Variants in KATNBL1 observed in about 807,000 individuals in gnomAD.
KATNBL1 encodes the protein KATNB1-like protein 1.
KATNBL1 carries 28 observed loss-of-function variants against 44.7 expected under a neutral mutation model. That is an observed-to-expected ratio of 0.63 (90% confidence interval 0.46 to 0.86). The LOEUF is 0.86. Ranked by LOEUF, KATNBL1 falls within the 40% of genes least tolerant of loss-of-function variation. The pLI is 0.00. For missense variants in KATNBL1, 272 were observed against 350.7 expected, an observed-to-expected ratio of 0.78 and a Z score of 1.79; for synonymous variants, 78 against 114.9, an observed-to-expected ratio of 0.68 and a Z score of 2.06.
chr15:34,146,578 T>C (rs1169004663), intron 8 of KATNBL1, 183 bp downstream of exon 8: 2 of 542,926 alleles, frequency 3.7e-6, no homozygotes, highest in Admixed American at 3.3e-5. Flanking sequence ...TAGTAGGCTC[T>C]GGAATTCAAT....
intron 1 of KATNBL1, among the ~76,000 whole-genome samples, chr15:34,204,594 G>C (rs1217553595): frequency 1.3e-5 from 2 of 152,148 alleles, no homozygotes; most frequent in African/African-American, 4.8e-5. Flanking sequence ...GGAGTTTTAA[G>C]GAATTCTTGT....
In KATNBL1 at chr15:34,208,003, G is replaced by A. The variant is rs781454853; in HGVS notation, c.-15+1948C>T. On this transcript the variant is annotated intron_variant, in intron 1 of 9. Coordinates refer to ENST00000256544, the MANE Select transcript of KATNBL1 (RefSeq NM_024713.3). ...CATTCATCCACTGTACTAACGAAGA[G>A]TGTCATATATATTTTTTGTTGTTAA... 5.7e-4 allele frequency among the ~76,000 whole-genome samples: 87 copies of A among 152,324 alleles called. 1 individual carries two copies. The highest frequency in any genetic ancestry group is 9.3e-4 in the Non-Finnish European group (63 of 68,028).
In KATNBL1 at chr15:34,181,499, A is replaced by G. The variant is rs1032808382; in HGVS notation, c.-14-17809T>C. On this transcript the variant is annotated intron_variant, in intron 1 of 9. Coordinates refer to ENST00000256544, the MANE Select transcript of KATNBL1 (RefSeq NM_024713.3). ...GAGACATTACTATTAAAAATTAATAATTAATTTTTTAAATTAGAAGGGAGA... is the reference window on the plus strand; with the variant it reads ...GAGACATTACTATTAAAAATTAATAGTTAATTTTTTAAATTAGAAGGGAGA... Among the ~76,000 whole-genome samples the G allele has an allele frequency of 1.6e-4, 24 of 150,576 alleles. 2 individuals carry two copies. Among genetic ancestry groups the G allele is most frequent in the African/African-American group, 5.6e-4 (23 of 41,188 alleles).
intron 1 of KATNBL1, chr15:34,199,827 AG>A (rs1166503449): frequency 6.7e-6 from 1 of 150,196 alleles, no homozygotes; most frequent in Non-Finnish European, 1.5e-5. Flanking sequence ...TTTATTGTGA[AG>A]ACGGAAAGAA....
chr15:34,170,254 A>G (rs1238068772), intron 1 of KATNBL1, among the ~76,000 whole-genome samples: 1 of 152,234 alleles, frequency 6.6e-6, no homozygotes, highest in Non-Finnish European at 1.5e-5. Context: ...CAGGACACAA[A>G]ATCAATGTGC....
intron 1 of KATNBL1, among the ~76,000 whole-genome samples, chr15:34,175,976 T>C (rs548769304): frequency 6.6e-6 from 1 of 152,280 alleles, no homozygotes; most frequent in East Asian, 1.9e-4. Flanking sequence ...TGTTATAACC[T>C]TATTCACAAT....
At chr15:34,145,704 A>T (rs974518132) in intron 8 of KATNBL1, 12 of 298,834 alleles carry the variant, frequency 4.0e-5, no homozygotes, top group Admixed American at 5.6e-5. Context: ...CATGAAAATT[A>T]AAGGTTTATC....
chr15:34,201,777 G>A (rs1183212020), intron 1 of KATNBL1, among the ~76,000 whole-genome samples: 1 of 152,010 alleles, frequency 6.6e-6, no homozygotes, highest in Non-Finnish European at 1.5e-5. Context: ...ATATACAACT[G>A]GCCCTCTGTA....
chr15:34,152,085 C>T (rs1372122988), intron 4 of KATNBL1, among the ~76,000 whole-genome samples: 1 of 151,832 alleles, frequency 6.6e-6, no homozygotes, highest in Non-Finnish European at 1.5e-5. Flanking sequence ...GGATTACAGG[C>T]ACCCACCATC....
intron 1 of KATNBL1, among the ~76,000 whole-genome samples, chr15:34,206,765 T>C (rs1363978168): frequency 6.7e-6 from 1 of 150,296 alleles, no homozygotes; most frequent in Non-Finnish European, 1.5e-5. Context: ...TACTCCAGCC[T>C]GGGAGACAAG....
intron 4 of KATNBL1, among the ~76,000 whole-genome samples, chr15:34,152,466 T>C (rs1888511773): frequency 6.6e-6 from 1 of 152,374 alleles, no homozygotes; most frequent in East Asian, 1.9e-4. Context: ...GCTCCAGGCG[T>C]GAGCCACTGT....
intron 1 of KATNBL1, among the ~76,000 whole-genome samples, chr15:34,167,551 A>T (rs1357333511): frequency 6.6e-6 from 1 of 152,186 alleles, no homozygotes; most frequent in African/African-American, 2.4e-5. Flanking sequence ...AACTTCCCCA[A>T]CCTAGCAAGG....
At chr15:34,190,431 T>C (rs1281167983) in intron 1 of KATNBL1, among the ~76,000 whole-genome samples, 2 of 152,198 alleles carry the variant, frequency 1.3e-5, no homozygotes, top group Non-Finnish European at 2.9e-5. Flanking sequence ...TGGGTCACAG[T>C]AGACACACTG....
intron 4 of KATNBL1, among the ~76,000 whole-genome samples, chr15:34,151,690 C>G (rs535056522): frequency 1.9e-4 from 29 of 152,042 alleles, no homozygotes; most frequent in African/African-American, 6.0e-4. Flanking sequence ...GACCACCTGC[C>G]TTGGCCTCCC....
chr15:34,205,957 A>C (rs1280388060), intron 1 of KATNBL1, among the ~76,000 whole-genome samples: 3 of 152,312 alleles, frequency 2.0e-5, no homozygotes, highest in Admixed American at 6.5e-5. Flanking sequence ...AATCACACTA[A>C]GATGTAAAAG....
chr15:34,185,289 T>G (rs1889687704), intron 1 of KATNBL1, among the ~76,000 whole-genome samples: 1 of 152,204 alleles, frequency 6.6e-6, no homozygotes, highest in Admixed American at 6.5e-5. Context: ...TCTAGATCCT[T>G]GTCTTCGTTG....
chr15:34,191,465 G>A (rs1889870427), intron 1 of KATNBL1, among the ~76,000 whole-genome samples: 1 of 151,934 alleles, frequency 6.6e-6, no homozygotes, highest in South Asian at 2.1e-4. Flanking sequence ...AAATGGCTGG[G>A]TTTTATGGTA....
At chr15:34,156,042 C>T (rs977351287) in intron 2 of KATNBL1, among the ~76,000 whole-genome samples, 7 of 152,122 alleles carry the variant, frequency 4.6e-5, no homozygotes, top group African/African-American at 7.2e-5. Flanking sequence ...TGCACTAGGG[C>T]GCAAGTGACA....
At position 34,152,907 on chromosome 15, in the gene KATNBL1, T is replaced by A; in HGVS notation, c.321A>T (p.Ala107=). ...GGTGTAATTTTTCAGGCAGGTGGCC[T>A]GCACAAGCCAGTTCATTTTCTTTAT... The part of the protein sequence containing the change: ...MANKENELAC[A]GHLPEKLHHD... Residue 107 remains alanine (A), a synonymous_variant, in exon 4 of 10, where the codon GCA becomes GCT. Transcript: ENST00000256544. The A allele has an allele frequency of 6.2e-7, 1 of 1,614,086 alleles. No homozygotes were observed. The highest frequency in any genetic ancestry group is 1.1e-5 in the South Asian group (1 of 91,078).
Sources: allele counts gnomAD v4.1 joint callset (sites outside exome capture counted in the v4.1 genomes callset), GRCh38; gene constraint gnomAD v4.1.1; transcripts MANE v1.5; gene names NCBI Gene and HGNC (gene_info 2026-07-23, HGNC 2026-07-21).